The following ABCF1 variants were observed in gnomAD, a reference collection of about 807,000 sequenced individuals.
ABCF1 encodes ATP-binding cassette sub-family F member 1.
In ABCF1, 73 loss-of-function variants were observed where a neutral mutation model predicts 126.3. The ratio of observed to expected loss-of-function variants is 0.58; its 90% CI spans 0.48 to 0.70. The LOEUF is 0.70. ABCF1 is among the 30% of genes least tolerant of loss of function. ABCF1 has a pLI of 0.00. For missense variants in ABCF1, 786 were observed against 1,057.5 expected (o/e 0.74, Z 3.56); for synonymous variants, 345 against 396.4 (o/e 0.87, Z 1.54).
At chr6:30,590,494 C>G (rs1289822827) in intron 24 of ABCF1, 41 bp from the exon 25 acceptor site, 2 of 1,590,188 alleles carry the variant, frequency 1.3e-6, no homozygotes, top group Non-Finnish European at 1.7e-6. Context: ...CCCTCTTTCT[C>G]CTTTCTTCCT....
chr6:30,583,505 T>C lies in ABCF1; in HGVS notation c.916-103T>C, dbSNP rs1487771633. 1.2e-5 allele frequency: 15 copies of C among 1,256,044 alleles called. No individual in the cohort carries two copies. Among genetic ancestry groups the C allele is most frequent in the Non-Finnish European group, 1.6e-5 (14 of 870,208 alleles). The allele number at this position is 1,256,044 out of a possible 1,614,324, so 77.8% of individuals were successfully genotyped here. On this transcript the variant is annotated intron_variant, in intron 10 of 24. Transcript: ENST00000326195. This position sits in a 1 kb window ranked among gnomAD's most constrained non-coding sequence, Gnocchi z 4.1. Reference sequence around the variant, plus strand: ...GGATTATGCTGGAGGTAGCGGTTTGTCAGAGGCTTCCCTGCAGGGAGAAAG... The same window carrying C: ...GGATTATGCTGGAGGTAGCGGTTTGCCAGAGGCTTCCCTGCAGGGAGAAAG...
At chr6:30,580,708 CTG>C (rs780794653) in intron 8 of ABCF1, among the ~76,000 whole-genome samples, 189 bp downstream of exon 8, 1 of 152,124 alleles carries the variant, frequency 6.6e-6, no homozygotes, top group African/African-American at 2.4e-5. Context: ...GGATCTTACT[CTG>C]TCACTCAGGC....
Position 30,586,696 on chromosome 6 carries a change from T to G in ABCF1, c.2016T>G (p.Thr672=). 6.2e-7 allele frequency: 1 copy of G among 1,613,808 alleles called. No homozygotes were observed. Among genetic ancestry groups the G allele is most frequent in the South Asian group, 1.1e-5 (1 of 91,074 alleles). ...VGKSTLLLLL[T]GKLTPTHGEM... ...AGAGTACGCTACTCCTGCTGCTGAC[T>G]GGCAAGCTGACACCGGTGAGTCCTG... Residue 672 remains threonine, a synonymous_variant, in exon 20 of 25, where the codon ACT becomes ACG. Transcript: ENST00000326195. The surrounding 1 kb of genome is among the most constrained non-coding windows in gnomAD (Gnocchi z 4.9).
At chr6:30,585,735 C>A in intron 16 of ABCF1, 53 bp downstream of exon 16, 1 of 1,604,334 alleles carries the variant, frequency 6.2e-7, no homozygotes, top group Non-Finnish European at 8.5e-7. Flanking sequence ...CGAAAAGAGG[C>A]CTGAGTGGGA....
intron 8 of ABCF1, among the ~76,000 whole-genome samples, chr6:30,581,496 C>T (rs1172875756): frequency 6.6e-6 from 1 of 151,236 alleles, no homozygotes; most frequent in Non-Finnish European, 1.5e-5. Flanking sequence ...CTCTGCCTCC[C>T]GGGTTCAAGC....
rs1458512466 is a variant in ABCF1 at position 30,586,017 on chromosome 6, T to TG, written c.1713+31dup. 6.3e-7 allele frequency: 1 copy of TG among 1,597,640 alleles called. No individual in the cohort carries two copies. The highest frequency in any genetic ancestry group is 8.5e-7 in the Non-Finnish European group (1 of 1,171,528). Reference sequence around the variant, plus strand: ...GTGAGCACCTGAGGGACTTCTGGGCTGGGGGCCACTGTTCTCTCCTGGCAG... The same window carrying TG: ...GTGAGCACCTGAGGGACTTCTGGGCTGGGGGGCCACTGTTCTCTCCTGGCAG... On this transcript the variant is annotated intron_variant, in intron 17 of 24. Transcript: ENST00000326195. This position sits in a 1 kb window ranked among gnomAD's most constrained non-coding sequence, Gnocchi z 4.9.
intron 1 of ABCF1, among the ~76,000 whole-genome samples, chr6:30,573,460 G>T (rs1264451): frequency 0.74 from 112,734 of 152,124 alleles, 42,190 homozygotes; most frequent in African/African-American, 0.85. Context: ...CAGGCAAGTA[G>T]AGTTGAAGTG....
At position 30,585,541 on chromosome 6, in the gene ABCF1, T is replaced by A; in HGVS notation, c.1476-17T>A. ...CTTGACCACTGTGACACTTACACCCTGTTCTCTGAAACCCAGCTACCTCCA... is the reference window on the plus strand; with the variant it reads ...CTTGACCACTGTGACACTTACACCCAGTTCTCTGAAACCCAGCTACCTCCA... On this transcript the variant is annotated splice_polypyrimidine_tract_variant and intron_variant, in intron 15 of 24. Coordinates refer to ENST00000326195, the MANE Select transcript of ABCF1 (RefSeq NM_001025091.2). The A allele has an allele frequency of 6.2e-7, 1 of 1,612,930 alleles. No individual in the cohort carries two copies. The highest frequency in any genetic ancestry group is 1.7e-4 in the Middle Eastern group (1 of 6,060).
chr6:30,580,700 A>T (rs1187721692), intron 8 of ABCF1, among the ~76,000 whole-genome samples, 181 bp downstream of exon 8: 2 of 151,826 alleles, frequency 1.3e-5, no homozygotes, highest in Admixed American at 1.3e-4. Context: ...TTTACACAGG[A>T]TCTTACTCTG....
intron 1 of ABCF1, among the ~76,000 whole-genome samples, chr6:30,575,136 C>T (rs1801433527): frequency 6.9e-6 from 1 of 143,990 alleles, no homozygotes. Context: ...GTGGCGCGAT[C>T]TTGGCTCACT....
At chr6:30,580,866 A>C (rs1249590615) in intron 8 of ABCF1, among the ~76,000 whole-genome samples, 1 of 151,798 alleles carries the variant, frequency 6.6e-6, no homozygotes, top group Admixed American at 6.6e-5. Flanking sequence ...TATAGAGATG[A>C]GGTCTCACTA....
At chr6:30,589,480 G>A (rs553979179) in intron 20 of ABCF1, 40 of 610,118 alleles carry the variant, frequency 6.6e-5, no homozygotes, top group African/African-American at 5.9e-4. Flanking sequence ...GCAGGCACCT[G>A]TATTCCCAGC....
Position 30,574,772 on chromosome 6 carries a change from T to G in ABCF1, c.74-2637T>G, listed in dbSNP as rs1801411352. On this transcript the variant is annotated intron_variant, in intron 1 of 24. Coordinates refer to ENST00000326195, the MANE Select transcript of ABCF1 (RefSeq NM_001025091.2). This position sits in a 1 kb window ranked among gnomAD's most constrained non-coding sequence, Gnocchi z 4.3. ...GGGCCCCAAACTTTGAAATGTGTTC[T>G]GGATGGAGGATGCAGATTAAGCAAA... Among the ~76,000 whole-genome samples, 1 of 152,144 alleles carries G rather than the reference T, an allele frequency of 6.6e-6. No individual in the cohort carries two copies. The highest frequency in any genetic ancestry group is 2.1e-4 in the South Asian group (1 of 4,830).
chr6:30,578,139 G>T lies in ABCF1; in HGVS notation c.280G>T (p.Glu94Ter), dbSNP rs147307156. 3.7e-6 allele frequency: 6 copies of T among 1,614,004 alleles called. No individual in the cohort carries two copies. In the African/African-American group the frequency reaches 8.0e-5, roughly 22 times the overall value. The change falls in exon 4 of 25, where the codon GAG (glutamate) becomes TAG (stop). Residue 94 changes from glutamate (E) to a stop codon, truncating the protein, a stop_gained. Coordinates refer to ENST00000326195, the MANE Select transcript of ABCF1 (RefSeq NM_001025091.2). LOFTEE classifies it high-confidence loss of function. ...GAAGGATGTGGATGATGATGGAGAA[G>T]AGAAAGAGCTCATGGAGCGTCTTAA... Reference protein sequence around the residue: ...RKKDVDDDGEEKELMERLKKL... With the variant: ...RKKDVDDDGE
At chr6:30,579,853 C>G in intron 6 of ABCF1, 78 bp from the exon 7 acceptor site, 1 of 1,447,646 alleles carries the variant, frequency 6.9e-7, no homozygotes, top group Non-Finnish European at 9.5e-7. Context: ...AGTAGACTCT[C>G]TAGAAATGCT....
At position 30,590,290 on chromosome 6, in the gene ABCF1, A is replaced by G; in HGVS notation, c.2299-16A>G. The G allele has an allele frequency of 6.2e-7, 1 of 1,612,016 alleles. No homozygotes were observed. Among genetic ancestry groups the G allele is most frequent in the Non-Finnish European group, 8.5e-7 (1 of 1,179,216 alleles). On this transcript the variant is annotated splice_polypyrimidine_tract_variant and intron_variant, in intron 23 of 24. Coordinates refer to ENST00000326195, the MANE Select transcript of ABCF1 (RefSeq NM_001025091.2). Reference sequence around the variant, plus strand: ...CGGGAGTTGCAGTGCTCAGTCATGGAATTCCTCCTATGTAGGACGAGCCAA... The same window carrying G: ...CGGGAGTTGCAGTGCTCAGTCATGGGATTCCTCCTATGTAGGACGAGCCAA...
In ABCF1 at chr6:30,586,860, A is replaced by G. The variant is rs1178418620; in HGVS notation, c.2031+149A>G. ...TTCATTTCCCTAAGAGGGGCAGTAG[A>G]GGAGGAAAGAGCTTAGATCAGTTCA... On this transcript the variant is annotated intron_variant, in intron 20 of 24. Coordinates refer to ENST00000326195, the MANE Select transcript of ABCF1 (RefSeq NM_001025091.2). This position sits in a 1 kb window ranked among gnomAD's most constrained non-coding sequence, Gnocchi z 4.9. 6 of 882,656 alleles carry G rather than the reference A, an allele frequency of 6.8e-6. No homozygotes were observed. The highest frequency in any genetic ancestry group is 1.1e-5 in the Non-Finnish European group (6 of 568,088). The allele number at this position is 882,656 out of a possible 1,614,324, so 54.7% of individuals were successfully genotyped here.
intron 9 of ABCF1, 138 bp from the exon 10 acceptor site, chr6:30,582,926 CAA>C: frequency 8.7e-7 from 1 of 1,155,754 alleles, no homozygotes; most frequent in South Asian, 1.5e-5. Flanking sequence ...CTCCTGAGCT[CAA>C]GAGATCCACC....
Position 30,584,679 on chromosome 6 carries a change from C to T in ABCF1, c.1391+113C>T, listed in dbSNP as rs900246336. On this transcript the variant is annotated intron_variant, in intron 14 of 24. Transcript: ENST00000326195. The surrounding 1 kb of genome is among the most constrained non-coding windows in gnomAD (Gnocchi z 4.6). ...TAGGGAGGCTCAAGGCTTACCTCTC[C>T]CTCCTTACTATCTGTGTTGTGAGAA... 1 of 1,343,804 alleles carries T rather than the reference C, an allele frequency of 7.4e-7. No homozygotes were observed. The highest frequency in any genetic ancestry group is 1.0e-6 in the Non-Finnish European group (1 of 996,196). The allele number at this position is 1,343,804 out of a possible 1,614,324, so 83.2% of individuals were successfully genotyped here. A position where few individuals can be genotyped will look rare whatever the true frequency, so the allele number is the denominator to read the frequency against.
Sources: allele counts gnomAD v4.1 joint callset (sites outside exome capture counted in the v4.1 genomes callset), GRCh38; gene constraint gnomAD v4.1.1; non-coding constraint Gnocchi (gnomAD v3.1); transcripts MANE v1.5; gene names NCBI Gene and HGNC (gene_info 2026-07-23, HGNC 2026-07-21).